Variants in PHF20 observed in about 807,000 individuals in gnomAD.
PHF20 encodes the protein glioma-expressed antigen 2.
PHF20 carries 23 observed loss-of-function variants against 113.5 expected under a neutral mutation model. That is an observed-to-expected ratio of 0.20 (90% confidence interval 0.15 to 0.29). The LOEUF is 0.29. Ranked by LOEUF, PHF20 falls within the 10% of genes least tolerant of loss-of-function variation. The pLI, the probability that PHF20 is intolerant of heterozygous loss-of-function variation, is 1.00. For missense variants in PHF20, 943 were observed against 1,219.6 expected (o/e 0.77, Z 3.38); for synonymous variants, 434 against 457.3 (o/e 0.95, Z 0.65).
intron 2 of PHF20, among the ~76,000 whole-genome samples, chr20:35,805,184 A>G (rs1305474232): frequency 1.3e-5 from 2 of 151,638 alleles, no homozygotes; most frequent in Admixed American, 1.3e-4. Flanking sequence ...ACCACAGGCC[A>G]GATCCATGGC....
chr20:35,877,848 C>T (rs2054559776), intron 9 of PHF20, among the ~76,000 whole-genome samples: 1 of 152,168 alleles, frequency 6.6e-6, no homozygotes, highest in Non-Finnish European at 1.5e-5. Context: ...CCACAGGATC[C>T]AGATCAGTGA....
intron 2 of PHF20, among the ~76,000 whole-genome samples, chr20:35,834,169 A>G (rs899181162): frequency 2.6e-5 from 4 of 151,872 alleles, no homozygotes; most frequent in African/African-American, 7.3e-5. Flanking sequence ...TGGGCTGGAC[A>G]TGGAGGAGAG....
chr20:35,894,700 A>G (rs1265607028), intron 9 of PHF20, among the ~76,000 whole-genome samples: 6 of 152,186 alleles, frequency 3.9e-5, no homozygotes, highest in Admixed American at 3.3e-4. Context: ...AGTTGTTACC[A>G]TTATCGTCTC....
intron 2 of PHF20, among the ~76,000 whole-genome samples, chr20:35,834,697 CT>C (rs2042410278): frequency 6.6e-6 from 1 of 152,116 alleles, no homozygotes; most frequent in African/African-American, 2.4e-5. Flanking sequence ...GATTGGTCAT[CT>C]ATTCTGTGTC....
At chr20:35,857,795 A>T (rs1368344932) in intron 4 of PHF20, among the ~76,000 whole-genome samples, 1 of 152,014 alleles carries the variant, frequency 6.6e-6, no homozygotes, top group Non-Finnish European at 1.5e-5. Flanking sequence ...TATGTTGGCC[A>T]GGCTGGTCTC....
intron 9 of PHF20, among the ~76,000 whole-genome samples, chr20:35,885,486 T>C (rs1390059678): frequency 1.5e-5 from 2 of 136,580 alleles, no homozygotes; most frequent in Non-Finnish European, 1.6e-5. Flanking sequence ...TTTTTTTTTT[T>C]TTTTTTTTTT....
chr20:35,930,087 G>A (rs1332302754), intron 14 of PHF20, among the ~76,000 whole-genome samples: 1 of 152,208 alleles, frequency 6.6e-6, no homozygotes, highest in African/African-American at 2.4e-5. Context: ...AAGGAGCCCT[G>A]TAACAAATAG....
chr20:35,917,650 C>T lies in PHF20; in HGVS notation c.1992C>T (p.Asp664=). The stretch of plus-strand genomic sequence containing the variant: ...TCTGTGAGGTCCAGGAGGAAAATGA[C>T]TTCATGATTCAGGTAGGCAGAGCTT... ...RCICEVQEEN[D]FMIQCEECQC... The change falls in exon 13 of 18, where the codon GAC becomes GAT. Residue 664 remains aspartate, a synonymous_variant. Coordinates refer to ENST00000374012, the MANE Select transcript of PHF20 (RefSeq NM_016436.5). 6.2e-7 allele frequency: 1 copy of T among 1,613,470 alleles called. No individual in the cohort carries two copies. Among genetic ancestry groups the T allele is most frequent in the Non-Finnish European group, 8.5e-7 (1 of 1,179,728 alleles).
chr20:35,873,458 G>GTTTTTTT (rs1400135809), intron 9 of PHF20, among the ~76,000 whole-genome samples: 5 of 114,568 alleles, frequency 4.4e-5, no homozygotes, highest in South Asian at 3.1e-4. Flanking sequence ...TGTTTTGTCT[G>GTTTTTTT]TTTTTTTGTT....
At chr20:35,801,801 T>TA in intron 2 of PHF20, 196 bp downstream of exon 2, 1 of 449,182 alleles carries the variant, frequency 2.2e-6, no homozygotes, top group South Asian at 3.0e-5. Context: ...CCCCTGTATA[T>TA]ATTTGTTTCC....
chr20:35,947,334 TGGCCCTTCCTCCCTTGCCCCATGGA>T, intron 17 of PHF20, 126 bp from the exon 18 acceptor site: 8 of 646,498 alleles, frequency 1.2e-5, no homozygotes, highest in South Asian at 7.4e-5. Flanking sequence ...CTGGCTGAAA[TGGCCCTTCCTCCCTTGCCCCATGGA>T]GGCTGAAATG....
intron 2 of PHF20, among the ~76,000 whole-genome samples, chr20:35,822,193 C>G (rs1271622954): frequency 6.6e-6 from 1 of 152,074 alleles, no homozygotes; most frequent in Non-Finnish European, 1.5e-5. Context: ...GCTTGAATCC[C>G]AAGATCGAGA....
chr20:35,939,412 CATCTT>C (rs1393721481), intron 16 of PHF20, among the ~76,000 whole-genome samples: 2 of 152,108 alleles, frequency 1.3e-5, no homozygotes, highest in Non-Finnish European at 2.9e-5. Flanking sequence ...TAGCAAAACT[CATCTT>C]TTCTTTAAGG....
intron 12 of PHF20, 47 bp from the exon 13 acceptor site, chr20:35,917,436 TA>T: frequency 6.6e-7 from 1 of 1,505,534 alleles, no homozygotes; most frequent in Non-Finnish European, 9.1e-7. Context: ...AAAGGTTTTT[TA>T]ATTTTATAAC....
rs752606610 is a variant in PHF20 at position 35,863,185 on chromosome 20, G to A, written c.593G>A (p.Gly198Glu). Reference protein sequence around the residue: ...EKRPKQPDKEGKLICSEKGKV... With the variant: ...EKRPKQPDKEEKLICSEKGKV... ...CGACCCAAGCAGCCTGATAAAGAAGGAAAGTTAATCTGTTCTGAAAAGGGG... is the reference window on the plus strand; with the variant it reads ...CGACCCAAGCAGCCTGATAAAGAAGAAAAGTTAATCTGTTCTGAAAAGGGG... Residue 198 changes from glycine to glutamate, a missense_variant, in exon 6 of 18, where the codon GGA (glycine) becomes GAA (glutamate). Physicochemically the swap from Gly to Glu is moderately conservative, Grantham distance 98. Coordinates refer to ENST00000374012, the MANE Select transcript of PHF20 (RefSeq NM_016436.5). The A allele has an allele frequency of 2.5e-6, 4 of 1,613,414 alleles. No individual in the cohort carries two copies. The African/African-American group carries it at 5.3e-5, about 22-fold the overall frequency.
At chr20:35,814,893 A>AATG (rs2042043994) in intron 2 of PHF20, among the ~76,000 whole-genome samples, 1 of 127,766 alleles carries the variant, frequency 7.8e-6, no homozygotes, top group African/African-American at 3.3e-5. Flanking sequence ...AAAAAAAATA[A>AATG]AATAAATAAA....
At chr20:35,789,519 G>T (rs1241449024) in intron 1 of PHF20, among the ~76,000 whole-genome samples, 1 of 151,424 alleles carries the variant, frequency 6.6e-6, no homozygotes, top group African/African-American at 2.4e-5. Flanking sequence ...GAGTATGGGT[G>T]GTAAGAACAG....
intron 1 of PHF20, chr20:35,782,257 G>C (rs1467122650): frequency 1.6e-5 from 1 of 64,116 alleles, no homozygotes; most frequent in Non-Finnish European, 3.6e-5. Context: ...TCTTTTTCTT[G>C]TTTTGTTTTT....
intron 9 of PHF20, among the ~76,000 whole-genome samples, chr20:35,886,794 G>T (rs566543321): frequency 6.6e-6 from 1 of 152,196 alleles, no homozygotes; most frequent in Non-Finnish European, 1.5e-5. Context: ...AGTGAGCTGG[G>T]TCTGGATGGA....
Sources: gnomAD v4.1 joint callset for allele counts (sites outside exome capture counted in the v4.1 genomes callset) on GRCh38, gnomAD v4.1.1 for gene constraint, MANE v1.5 for transcripts, NCBI Gene and HGNC (gene_info 2026-07-23, HGNC 2026-07-21) for gene names.